ZNF804A: variants seen among roughly 807,000 people sequenced by gnomAD.
ZNF804A encodes zinc finger protein 804A.
In ZNF804A, 2 loss-of-function variants were observed where a neutral mutation model predicts 16.5. The observed-to-expected ratio is 0.12, with a 90% CI of 0.05 to 0.38. The LOEUF is 0.38. ZNF804A is among the 10% of genes least tolerant of loss of function. The pLI is 0.99. For synonymous variants in ZNF804A, 534 were observed against 489.6 expected, an observed-to-expected ratio of 1.09 and a Z score of -1.20; for missense variants, 1,473 against 1,390.7, an observed-to-expected ratio of 1.06 and a Z score of -0.94.
chr2:184,848,957 AT>A (rs374733398), intron 1 of ZNF804A, among the ~76,000 whole-genome samples: 93 of 152,012 alleles, frequency 6.1e-4, no homozygotes, highest in African/African-American at 2.1e-3. Context: ...TAGATAATTT[AT>A]TTGAGAAGTG....
chr2:184,807,493 G>A (rs927600979), intron 1 of ZNF804A, among the ~76,000 whole-genome samples: 1 of 151,760 alleles, frequency 6.6e-6, no homozygotes, highest in Admixed American at 6.6e-5. Flanking sequence ...CATGAATAGT[G>A]AATAAATGAA....
chr2:184,771,471 T>A (rs1055026528), intron 1 of ZNF804A, among the ~76,000 whole-genome samples: 1 of 151,838 alleles, frequency 6.6e-6, no homozygotes, highest in African/African-American at 2.4e-5. Flanking sequence ...CTGGGGCTAG[T>A]TGGGGTGGCT....
chr2:184,741,127 T>C (rs1328384454), intron 1 of ZNF804A, among the ~76,000 whole-genome samples: 1 of 152,196 alleles, frequency 6.6e-6, no homozygotes, highest in Non-Finnish European at 1.5e-5. Context: ...ATTTAGATGT[T>C]CCCAAGATTA....
intron 1 of ZNF804A, among the ~76,000 whole-genome samples, chr2:184,643,530 T>C (rs1202641185): frequency 6.6e-6 from 1 of 151,980 alleles, no homozygotes; most frequent in South Asian, 2.1e-4. Context: ...GCAACAAATC[T>C]ATTTTACTAT....
At chr2:184,691,043 A>G (rs1423409185) in intron 1 of ZNF804A, among the ~76,000 whole-genome samples, 1 of 152,050 alleles carries the variant, frequency 6.6e-6, no homozygotes, top group East Asian at 1.9e-4. Flanking sequence ...TAGTGAGGAT[A>G]CTTTTAAAAA....
intron 2 of ZNF804A, among the ~76,000 whole-genome samples, chr2:184,897,415 T>TC (rs1553486888): frequency 1.8e-4 from 27 of 149,960 alleles, no homozygotes; most frequent in Middle Eastern, 3.4e-3. Flanking sequence ...TTTGGATTTT[T>TC]CCCCCCCTTT....
chr2:184,606,057 A>G (rs181341118), intron 1 of ZNF804A, among the ~76,000 whole-genome samples: 2 of 152,346 alleles, frequency 1.3e-5, no homozygotes, highest in African/African-American at 2.4e-5. Flanking sequence ...TATGAGGTCA[A>G]TGGTGTGTTC....
At chr2:184,671,138 T>C (rs6760360) in intron 1 of ZNF804A, among the ~76,000 whole-genome samples, 33,618 of 151,910 alleles carry the variant, frequency 0.22, 3,982 homozygotes, top group African/African-American at 0.3. Flanking sequence ...TTCAGGCTTT[T>C]GAGCTTTTTT....
chr2:184,605,408 T>C (rs553167874), intron 1 of ZNF804A, among the ~76,000 whole-genome samples: 2 of 152,292 alleles, frequency 1.3e-5, no homozygotes, highest in East Asian at 1.9e-4. Flanking sequence ...AATTATCTAC[T>C]GTATCTGAGA....
chr2:184,909,283 G>A (rs539787398), intron 2 of ZNF804A, among the ~76,000 whole-genome samples: 17 of 152,154 alleles, frequency 1.1e-4, no homozygotes, highest in Admixed American at 2.0e-4. Flanking sequence ...TTTATTAGCT[G>A]CTGAGAGCAT....
At chr2:184,838,602 AT>A (rs1233345101) in intron 1 of ZNF804A, among the ~76,000 whole-genome samples, 1 of 152,134 alleles carries the variant, frequency 6.6e-6, no homozygotes, top group African/African-American at 2.4e-5. Flanking sequence ...AAATATTCAT[AT>A]TTTTATTAAA....
At chr2:184,630,997 C>G (rs1351714369) in intron 1 of ZNF804A, among the ~76,000 whole-genome samples, 1 of 151,948 alleles carries the variant, frequency 6.6e-6, no homozygotes, top group Non-Finnish European at 1.5e-5. Flanking sequence ...TATTTTTGGT[C>G]TGTGAAAATA....
At chr2:184,627,318 A>G (rs1299817059) in intron 1 of ZNF804A, among the ~76,000 whole-genome samples, 1 of 152,168 alleles carries the variant, frequency 6.6e-6, no homozygotes, top group Non-Finnish European at 1.5e-5. Context: ...CAGAAAAAAA[A>G]ATACATTGAC....
At chr2:184,691,415 C>A (rs59551151) in intron 1 of ZNF804A, among the ~76,000 whole-genome samples, 10,810 of 149,822 alleles carry the variant, frequency 0.072, 1,295 homozygotes, top group African/African-American at 0.25. Context: ...ATCATATATT[C>A]TATATATATA....
At chr2:184,675,465 G>A (rs905706901) in intron 1 of ZNF804A, among the ~76,000 whole-genome samples, 21 of 151,736 alleles carry the variant, frequency 1.4e-4, no homozygotes, top group African/African-American at 4.8e-4. Context: ...TCTTGCATAT[G>A]TTTGATAATT....
chr2:184,810,066 C>T (rs752393350), intron 1 of ZNF804A, among the ~76,000 whole-genome samples: 1 of 152,126 alleles, frequency 6.6e-6, no homozygotes, highest in Non-Finnish European at 1.5e-5. Flanking sequence ...GACAAACTAT[C>T]GCCCAGGACT....
chr2:184,622,220 T>C (rs1691431474), intron 1 of ZNF804A, among the ~76,000 whole-genome samples: 1 of 151,846 alleles, frequency 6.6e-6, no homozygotes, highest in South Asian at 2.1e-4. Context: ...AAGTATGATA[T>C]TAATAACTGT....
rs1696020074 is a variant in ZNF804A at position 184,874,363 on chromosome 2, A to G, written c.255+7851A>G. Among the ~76,000 whole-genome samples the G allele has an allele frequency of 2.0e-5, 3 of 152,156 alleles. No individual in the cohort carries two copies. The South Asian group carries it at 6.2e-4, about 31-fold the overall frequency. On this transcript the variant is annotated intron_variant, in intron 2 of 3. Transcript: ENST00000302277. Reference sequence around the variant, plus strand: ...AGTATATAATGCTTTATGTGATTGCATACATCTCACATCACATACTACATA... The same window carrying G: ...AGTATATAATGCTTTATGTGATTGCGTACATCTCACATCACATACTACATA...
rs1180819310 is a variant in ZNF804A at position 184,901,719 on chromosome 2, A to T, written c.256-31884A>T. On this transcript the variant is annotated intron_variant, in intron 2 of 3. Coordinates refer to ENST00000302277, the MANE Select transcript of ZNF804A (RefSeq NM_194250.2). ...ATATTATTGTAAATTCCAGAAAGCC[A>T]TTCGTGTGTATTAATAATCTAGGAG... 1.3e-5 allele frequency among the ~76,000 whole-genome samples: 2 copies of T among 152,090 alleles called. 1 individual carries two copies. Among genetic ancestry groups the T allele is most frequent in the South Asian group, 4.1e-4 (2 of 4,834 alleles).
Sources: allele counts gnomAD v4.1 joint callset (sites outside exome capture counted in the v4.1 genomes callset), GRCh38; gene constraint gnomAD v4.1.1; transcripts MANE v1.5; gene names NCBI Gene and HGNC (gene_info 2026-07-23, HGNC 2026-07-21).